Variants in SLC1A2 observed in about 807,000 individuals in gnomAD.
SLC1A2 encodes excitatory amino acid transporter 2.
Under a neutral mutation model 48.8 loss-of-function variants are expected in SLC1A2, and 15 were observed. That is an observed-to-expected ratio of 0.31 (90% CI 0.21 to 0.47). The LOEUF (loss-of-function observed/expected upper bound fraction) is 0.47. Among genes scored for constraint, SLC1A2 ranks in the 20% least tolerant of loss-of-function variants. The pLI, the probability that SLC1A2 is intolerant of heterozygous loss-of-function variation, is 0.99. For synonymous variants in SLC1A2, 279 were observed against 272.6 expected, an observed-to-expected ratio of 1.02 and a Z score of -0.23; for missense variants, 502 against 730.5, an observed-to-expected ratio of 0.69 and a Z score of 3.61.
chr11:35,368,645 AAG>A, intron 1 of SLC1A2, among the ~76,000 whole-genome samples: 1 of 152,336 alleles, frequency 6.6e-6, no homozygotes, highest in East Asian at 1.9e-4. Context: ...TGAATATTTT[AAG>A]TCAGAGATGT....
chr11:35,311,320 C>G (rs558159085), intron 4 of SLC1A2, among the ~76,000 whole-genome samples: 6 of 152,214 alleles, frequency 3.9e-5, no homozygotes, highest in Non-Finnish European at 7.4e-5. Flanking sequence ...CCACCACACC[C>G]GGCTAATTTT....
chr11:35,278,038 T>C (rs536507200), intron 9 of SLC1A2, among the ~76,000 whole-genome samples: 2 of 152,228 alleles, frequency 1.3e-5, no homozygotes, highest in South Asian at 2.1e-4. Flanking sequence ...GGGGCCAATA[T>C]AGGACACAGA....
intron 1 of SLC1A2, among the ~76,000 whole-genome samples, chr11:35,331,514 CT>C (rs1018790319): frequency 1.1e-4 from 16 of 152,324 alleles, no homozygotes; most frequent in African/African-American, 3.8e-4. Context: ...CCAGTCACCC[CT>C]GAAGGGTAAT....
rs1288978407 is a variant in SLC1A2 at position 35,252,248 on chromosome 11, A to AGG, written c.*8644_*8645dup. 1 of 152,582 alleles carries AGG rather than the reference A, an allele frequency of 6.6e-6. No individual in the cohort carries two copies. The highest frequency in any genetic ancestry group is 1.5e-5 in the Non-Finnish European group (1 of 68,032). 9.5% of individuals were successfully genotyped at this position (152,582 alleles called of 1,614,324 possible). A position where few individuals can be genotyped will look rare whatever the true frequency, so the allele number is the denominator to read the frequency against. On this transcript the variant is annotated 3_prime_UTR_variant, in exon 11 of 11. Coordinates refer to ENST00000278379, the MANE Select transcript of SLC1A2 (RefSeq NM_004171.4). ...CTGACTCAAAAATCCAAGGGAGACA[A>AGG]GGCTCCTCAGAACCTTTAAGTCATG...
At chr11:35,392,897 G>T (rs56410006) in intron 1 of SLC1A2, among the ~76,000 whole-genome samples, 11,010 of 152,098 alleles carry the variant, frequency 0.072, 822 homozygotes, top group African/African-American at 0.19. Context: ...AGCACACCAG[G>T]GCTTAAATCA....
At chr11:35,402,982 G>A (rs117711376) in intron 1 of SLC1A2, among the ~76,000 whole-genome samples, 2,165 of 152,258 alleles carry the variant, frequency 0.014, 20 homozygotes, top group Non-Finnish European at 0.02. Flanking sequence ...CATACCTTTG[G>A]GTATGCACCA....
Position 35,331,006 on chromosome 11 carries a change from A to C in SLC1A2, c.18-13490T>G, listed in dbSNP as rs374940922. On this transcript the variant is annotated intron_variant, in intron 1 of 10. Coordinates refer to ENST00000278379, the MANE Select transcript of SLC1A2 (RefSeq NM_004171.4). ...GTAGTACCAGACCTTATGCTACACT[A>C]TCTCATTTGTTGTTTACAAAAAGCC... 5.3e-5 allele frequency among the ~76,000 whole-genome samples: 8 copies of C among 152,352 alleles called. No homozygotes were observed. The East Asian group carries it at 5.8e-4, about 11-fold the overall frequency.
intron 4 of SLC1A2, among the ~76,000 whole-genome samples, chr11:35,308,312 C>T (rs1851577373): frequency 6.6e-6 from 1 of 152,048 alleles, no homozygotes; most frequent in South Asian, 2.1e-4. Flanking sequence ...ATAGCAAAGG[C>T]CAGTGATGTA....
intron 9 of SLC1A2, among the ~76,000 whole-genome samples, chr11:35,269,227 C>A (rs1241467666): frequency 6.6e-6 from 1 of 152,138 alleles, no homozygotes; most frequent in Admixed American, 6.5e-5. Flanking sequence ...TCTCCCAGTG[C>A]CTTGATCTTG....
chr11:35,407,178 C>T (rs1855324618), intron 1 of SLC1A2, among the ~76,000 whole-genome samples: 1 of 152,034 alleles, frequency 6.6e-6, no homozygotes, highest in Non-Finnish European at 1.5e-5. Flanking sequence ...AGCTGGCTGC[C>T]CCATCTGTCA....
chr11:35,349,943 C>CGAGACAGACGGTCTCA (rs1853183817), intron 1 of SLC1A2, among the ~76,000 whole-genome samples: 1 of 152,058 alleles, frequency 6.6e-6, no homozygotes, highest in African/African-American at 2.4e-5. Context: ...ACACGGGCTC[C>CGAGACAGACGGTCTCA]GAGACAGAGA....
chr11:35,292,418 C>T lies in SLC1A2; in HGVS notation c.960G>A (p.Val320=), dbSNP rs1057344759. 5.0e-6 allele frequency: 8 copies of T among 1,613,720 alleles called. No individual in the cohort carries two copies. The South Asian group carries it at 8.8e-5, about 18-fold the overall frequency. ...CCCCGTGGATGATGAGGCCTATGAT[C>T]ACTGTTACCATGTACATCCCCAGTT... ...ARQLGMYMVT[V]IIGLIIHGGI... is the part of the protein sequence containing the mutation. The change falls in exon 7 of 11, where the codon GTG becomes GTA. Residue 320 remains valine, a synonymous_variant. Coordinates refer to ENST00000278379, the MANE Select transcript of SLC1A2 (RefSeq NM_004171.4).
intron 1 of SLC1A2, among the ~76,000 whole-genome samples, chr11:35,349,042 G>A (rs921257720): frequency 2.0e-5 from 3 of 152,138 alleles, no homozygotes; most frequent in South Asian, 2.1e-4. Flanking sequence ...ATCAGGCAGA[G>A]GAAATACAGA....
At chr11:35,389,074 C>A (rs904643992) in intron 1 of SLC1A2, among the ~76,000 whole-genome samples, 1 of 151,998 alleles carries the variant, frequency 6.6e-6, no homozygotes, top group Non-Finnish European at 1.5e-5. Flanking sequence ...TGCACATGTA[C>A]CCCTGAGTAC....
chr11:35,292,185 T>C, intron 7 of SLC1A2, 102 bp downstream of exon 7: 2 of 806,146 alleles, frequency 2.5e-6, no homozygotes, highest in Non-Finnish European at 4.1e-6. Context: ...GTGTGCCAAG[T>C]GTTCTTATTG....
intron 1 of SLC1A2, among the ~76,000 whole-genome samples, chr11:35,324,270 G>A (rs1591474609): frequency 6.6e-6 from 1 of 152,218 alleles, no homozygotes; most frequent in Non-Finnish European, 1.5e-5. Flanking sequence ...TATTTGTTTG[G>A]CTCAGAAACA....
At chr11:35,329,398 G>A (rs777510819) in intron 1 of SLC1A2, among the ~76,000 whole-genome samples, 20 of 152,146 alleles carry the variant, frequency 1.3e-4, no homozygotes, top group African/African-American at 2.9e-4. Context: ...TAAGTTCATC[G>A]CTTGTGATAA....
rs562919538 is a variant in SLC1A2, at chr11:35,358,125, CA to C, written c.18-40610del. ...GTGTCACTGTACTCCAGCCTGGCAA[CA>C]GAGCAAGACTCCGTCTAAAAAAAAA... is the stretch of plus-strand genomic sequence containing the variant. On this transcript the variant is annotated intron_variant, in intron 1 of 10. Transcript: ENST00000278379. 6.8e-3 allele frequency among the ~76,000 whole-genome samples: 1,028 copies of C among 150,186 alleles called. 10 individuals carry two copies. Among genetic ancestry groups the C allele is most frequent in the African/African-American group, 0.024 (972 of 40,716 alleles).
chr11:35,331,363 G>T (rs1438427713), intron 1 of SLC1A2, among the ~76,000 whole-genome samples: 1 of 152,170 alleles, frequency 6.6e-6, no homozygotes, highest in East Asian at 1.9e-4. Context: ...TCCTTCTAAT[G>T]AGCTGCTAAA....
Sources: allele counts gnomAD v4.1 joint callset (sites outside exome capture counted in the v4.1 genomes callset), GRCh38; gene constraint gnomAD v4.1.1; transcripts MANE v1.5; gene names NCBI Gene and HGNC (gene_info 2026-07-23, HGNC 2026-07-21).